SH3BP2: variants seen among roughly 807,000 people sequenced by gnomAD.
The protein encoded by SH3BP2 is SH3 domain-binding protein 2.
In SH3BP2, 38 loss-of-function variants were observed where a neutral mutation model predicts 56.2. That is an observed-to-expected ratio of 0.68 (90% CI 0.52 to 0.89). SH3BP2 has a LOEUF of 0.89. Among genes scored for constraint, SH3BP2 ranks in the 40% least tolerant of loss-of-function variants. The pLI, the probability that SH3BP2 is intolerant of heterozygous loss-of-function variation, is 0.00. For missense variants in SH3BP2, 748 were observed against 762.6 expected, an observed-to-expected ratio of 0.98 and a Z score of 0.23; for synonymous variants, 346 against 316.7, an observed-to-expected ratio of 1.09 and a Z score of -0.98.
intron 1 of SH3BP2, among the ~76,000 whole-genome samples, chr4:2,817,069 G>A (rs1724031561): frequency 6.6e-6 from 1 of 152,266 alleles, no homozygotes; most frequent in Admixed American, 6.5e-5. Flanking sequence ...AGGGGCTGAG[G>A]CCTGCAAGTG....
chr4:2,821,745 A>T (rs1468998042), intron 2 of SH3BP2, among the ~76,000 whole-genome samples: 2 of 152,066 alleles, frequency 1.3e-5, no homozygotes, highest in Non-Finnish European at 2.9e-5. Context: ...GAATTTCATT[A>T]TGTTGCCCAG....
chr4:2,811,051 C>T (rs1304152833), intron 1 of SH3BP2, among the ~76,000 whole-genome samples: 1 of 152,228 alleles, frequency 6.6e-6, no homozygotes, highest in Non-Finnish European at 1.5e-5. Flanking sequence ...AAGGAGGCCC[C>T]AGACCTAAAA....
intron 1 of SH3BP2, chr4:2,818,646 C>A: frequency 1.1e-6 from 1 of 886,496 alleles, no homozygotes; most frequent in Non-Finnish European, 1.4e-6. Flanking sequence ...CCTCCATCCC[C>A]ACTGCGGGGC....
intron 1 of SH3BP2, among the ~76,000 whole-genome samples, chr4:2,801,754 AAT>A (rs756779055): frequency 2.0e-5 from 3 of 152,268 alleles, no homozygotes; most frequent in Non-Finnish European, 2.9e-5. Flanking sequence ...GGAATAGAAT[AAT>A]AAACCCAGAG....
At chr4:2,822,869 T>G (rs957794788) in intron 2 of SH3BP2, 66 bp from the exon 3 acceptor site, 2 of 1,217,820 alleles carry the variant, frequency 1.6e-6, no homozygotes. Context: ...CTGTGGAGGG[T>G]CCTCACAGTG....
intron 12 of SH3BP2, 123 bp from the exon 13 acceptor site, chr4:2,833,574 C>T: frequency 7.5e-7 from 1 of 1,334,922 alleles, no homozygotes; most frequent in South Asian, 1.3e-5. Context: ...CACCGACAGC[C>T]AGGGGCCAGC....
At chr4:2,820,360 C>T (rs1038194009) in intron 1 of SH3BP2, among the ~76,000 whole-genome samples, 1 of 152,208 alleles carries the variant, frequency 6.6e-6, no homozygotes, top group Non-Finnish European at 1.5e-5. Flanking sequence ...AAGGGCTGCA[C>T]GTAGCGCTCA....
At chr4:2,795,745 G>T (rs1230458987) in intron 1 of SH3BP2, among the ~76,000 whole-genome samples, 7 of 152,208 alleles carry the variant, frequency 4.6e-5, no homozygotes, top group Non-Finnish European at 8.8e-5. Flanking sequence ...GAGGGTGGGA[G>T]ACCAGTTTGA....
intron 5 of SH3BP2, 60 bp from the exon 6 acceptor site, chr4:2,827,170 C>T (rs1188491191): frequency 7.3e-7 from 1 of 1,365,898 alleles, no homozygotes; most frequent in Non-Finnish European, 1.0e-6. Context: ...TTTGTGTGAG[C>T]ATCAAGGGAC....
intron 1 of SH3BP2, chr4:2,817,692 C>G (rs1482433276): frequency 6.6e-6 from 1 of 152,248 alleles, no homozygotes; most frequent in Admixed American, 6.5e-5. Flanking sequence ...TGGGAGGTGC[C>G]AAGGACCAGA....
intron 1 of SH3BP2, among the ~76,000 whole-genome samples, chr4:2,800,988 C>T (rs1220286537): frequency 1.6e-5 from 2 of 123,620 alleles, no homozygotes; most frequent in Admixed American, 1.7e-4. Flanking sequence ...GACAGGCTGG[C>T]TCCGAGGGAG....
Position 2,821,792 on chromosome 4 carries a change from G to T in SH3BP2, c.136+1039G>T, listed in dbSNP as rs1577356278. On this transcript the variant is annotated intron_variant, in intron 2 of 12. Coordinates refer to ENST00000503393, the MANE Select transcript of SH3BP2 (RefSeq NM_001122681.2). ...GCTCCTGAGCTCAAGCGATCCATCC[G>T]CCTTGGTCTCCCAAAGTGCTGGGAT... 1.3e-5 allele frequency among the ~76,000 whole-genome samples: 2 copies of T among 152,110 alleles called. 1 individual carries two copies. Among genetic ancestry groups the T allele is most frequent in the South Asian group, 4.1e-4 (2 of 4,826 alleles).
chr4:2,827,613 G>A lies in SH3BP2; in HGVS notation c.525G>A (p.Glu175=), dbSNP rs1724742630. ...CCCCCTCTCCCCATGCAGACTATGA[G>A]CACGACGATGAGGATGACTCCTACC... is the stretch of plus-strand genomic sequence containing the variant. The part of the protein sequence containing the change: ...SPYPTDNEDY[E]HDDEDDSYLE... The change falls in exon 7 of 13, where the codon GAG becomes GAA. Residue 175 remains glutamate (E), a synonymous_variant. Coordinates refer to ENST00000503393, the MANE Select transcript of SH3BP2 (RefSeq NM_001122681.2). The A allele has an allele frequency of 2.5e-6, 4 of 1,582,744 alleles. No individual in the cohort carries two copies. The East Asian group carries it at 9.3e-5, about 37-fold the overall frequency.
At chr4:2,830,205 C>T (rs1560111704) in intron 8 of SH3BP2, 58 bp downstream of exon 8, 1 of 1,486,530 alleles carries the variant, frequency 6.7e-7, no homozygotes. Context: ...CTGGCCTGGC[C>T]TCTGACGGGC....
At chr4:2,816,614 C>T (rs912251318) in intron 1 of SH3BP2, among the ~76,000 whole-genome samples, 4 of 152,166 alleles carry the variant, frequency 2.6e-5, no homozygotes, top group African/African-American at 9.7e-5. Context: ...GAGGAACTTC[C>T]CTTCTATTCC....
intron 1 of SH3BP2, among the ~76,000 whole-genome samples, chr4:2,803,904 GAC>G (rs1188179117): frequency 6.6e-6 from 1 of 152,176 alleles, no homozygotes; most frequent in African/African-American, 2.4e-5. Flanking sequence ...TGGGAGCCCA[GAC>G]AGAGGGTGAC....
At chr4:2,808,528 C>T (rs1316748552) in intron 1 of SH3BP2, among the ~76,000 whole-genome samples, 1 of 152,144 alleles carries the variant, frequency 6.6e-6, no homozygotes, top group Non-Finnish European at 1.5e-5. Context: ...TTCCCTCTCC[C>T]TCTATCCCAG....
chr4:2,807,961 C>G (rs996832416), intron 1 of SH3BP2, among the ~76,000 whole-genome samples: 1 of 152,212 alleles, frequency 6.6e-6, no homozygotes, highest in Non-Finnish European at 1.5e-5. Context: ...CTGTCTCTCC[C>G]TGACAGGCAC....
chr4:2,828,458 G>A (rs1724797097), intron 7 of SH3BP2, among the ~76,000 whole-genome samples: 1 of 152,014 alleles, frequency 6.6e-6, no homozygotes, highest in African/African-American at 2.4e-5. Flanking sequence ...TTCCCTCTGG[G>A]GTCCCAGTGC....
Sources: allele counts gnomAD v4.1 joint callset (sites outside exome capture counted in the v4.1 genomes callset), GRCh38; gene constraint gnomAD v4.1.1; transcripts MANE v1.5; gene names NCBI Gene and HGNC (gene_info 2026-07-23, HGNC 2026-07-21).